Variants in RPIA observed in about 807,000 individuals in gnomAD.
The protein encoded by RPIA is ribose-5-phosphate isomerase.
Under a neutral mutation model 37.8 loss-of-function variants are expected in RPIA, and 29 were observed. The ratio of observed to expected loss-of-function variants is 0.77; its 90% CI spans 0.57 to 1.05. The LOEUF (loss-of-function observed/expected upper bound fraction) is 1.05. RPIA is among the 50% of genes least tolerant of loss of function. The probability of loss-of-function intolerance (pLI) is 0.00; values close to 1 mark genes in which losing one functional copy is unlikely to be tolerated. For synonymous variants in RPIA, 167 were observed against 157.0 expected, an observed-to-expected ratio of 1.06 and a Z score of -0.48; for missense variants, 385 against 413.6, an observed-to-expected ratio of 0.93 and a Z score of 0.60.
chr2:88,725,018 GAGAC>G (rs1673178671), intron 3 of RPIA, among the ~76,000 whole-genome samples: 3 of 151,998 alleles, frequency 2.0e-5, no homozygotes, highest in Admixed American at 6.5e-5. Flanking sequence ...CCCTAATCAT[GAGAC>G]GTTTAGAGGT....
intron 1 of RPIA, among the ~76,000 whole-genome samples, chr2:88,698,082 TTC>T (rs1034020008): frequency 5.3e-5 from 8 of 149,916 alleles, no homozygotes; most frequent in African/African-American, 2.0e-4. Flanking sequence ...CTTTCTTTCT[TTC>T]TTTTTTTTTT....
At chr2:88,701,977 TATC>T (rs1347967751) in intron 3 of RPIA, among the ~76,000 whole-genome samples, 4 of 152,228 alleles carry the variant, frequency 2.6e-5, no homozygotes, top group South Asian at 4.1e-4. Flanking sequence ...AAGAAACACT[TATC>T]ATAGAAAAGA....
rs150606347 is a variant in RPIA at position 88,735,081 on chromosome 2, G to A, written c.527+465G>A. Among the ~76,000 whole-genome samples the A allele has an allele frequency of 2.6e-5, 4 of 152,310 alleles. No individual in the cohort carries two copies. The East Asian group carries it at 7.7e-4, about 29-fold the overall frequency. ...GTGGGAATGGTGAGTTGAAAAAGGT[G>A]AAATCCTGTTCTGCTGGTTCTTATA... On this transcript the variant is annotated intron_variant, in intron 5 of 8. Transcript: ENST00000283646.
At chr2:88,741,287 A>G (rs895414434) in intron 8 of RPIA, among the ~76,000 whole-genome samples, 2 of 152,128 alleles carry the variant, frequency 1.3e-5, no homozygotes, top group Admixed American at 1.3e-4. Context: ...CTTAGCTCCC[A>G]GTTATAAGTG....
At chr2:88,700,187 A>T (rs1037828334) in intron 3 of RPIA, 123 bp downstream of exon 3, 5 of 893,990 alleles carry the variant, frequency 5.6e-6, no homozygotes, top group Non-Finnish European at 7.6e-6. Context: ...GTCCAGGAAT[A>T]GGAGAGTTTA....
At chr2:88,696,015 A>G (rs376383752) in intron 1 of RPIA, among the ~76,000 whole-genome samples, 3 of 151,954 alleles carry the variant, frequency 2.0e-5, no homozygotes, top group African/African-American at 7.3e-5. Context: ...GAGAAGGACC[A>G]TATCTAATGT....
chr2:88,750,141 T>G lies in RPIA; in HGVS notation c.*63T>G. The G allele has an allele frequency of 8.5e-7, 1 of 1,173,062 alleles. No individual in the cohort carries two copies. Among genetic ancestry groups the G allele is most frequent in the Non-Finnish European group, 1.3e-6 (1 of 788,700 alleles). The allele number at this position is 1,173,062 out of a possible 1,614,324, so 72.7% of individuals were successfully genotyped here. A position where few individuals can be genotyped will look rare whatever the true frequency, so the allele number is the denominator to read the frequency against. On this transcript the variant is annotated 3_prime_UTR_variant, in exon 9 of 9. Transcript: ENST00000283646. ...AGCCCACAGCCAAGGTGGACGTACC[T>G]CTCCAGGAGCCTTTGCCTTAATGTA...
intron 4 of RPIA, among the ~76,000 whole-genome samples, chr2:88,733,808 C>A (rs771765029): frequency 6.6e-6 from 1 of 152,212 alleles, no homozygotes; most frequent in African/African-American, 2.4e-5. Context: ...AATGTCCATG[C>A]AGAGTACCAT....
At chr2:88,720,978 A>G (rs888775607) in intron 3 of RPIA, among the ~76,000 whole-genome samples, 15 of 152,100 alleles carry the variant, frequency 9.9e-5, no homozygotes, top group Admixed American at 3.9e-4. Context: ...ATGCCCATCA[A>G]TAATAGACTG....
In RPIA at chr2:88,750,793, G is replaced by T. The variant is rs566331932; in HGVS notation, c.*715G>T. The T allele has an allele frequency of 5.0e-6, 2 of 398,428 alleles. No homozygotes were observed. The highest frequency in any genetic ancestry group is 4.1e-5 in the African/African-American group (2 of 48,700). The allele number at this position is 398,428 out of a possible 1,614,324, so 24.7% of individuals were successfully genotyped here. The stretch of plus-strand genomic sequence containing the variant: ...ACTGCTGTGAAATGTGAAGTACTTT[G>T]TTTTTTTATTTTTAATGATTTTCTT... On this transcript the variant is annotated 3_prime_UTR_variant, in exon 9 of 9. Transcript: ENST00000283646.
chr2:88,712,363 G>T (rs1446816481), intron 3 of RPIA, among the ~76,000 whole-genome samples: 1 of 152,146 alleles, frequency 6.6e-6, no homozygotes, highest in Non-Finnish European at 1.5e-5. Flanking sequence ...TAATTCATAG[G>T]CCTAGTTTCT....
Position 88,750,772 on chromosome 2 carries a change from C to G in RPIA, c.*694C>G. The stretch of plus-strand genomic sequence containing the variant: ...GCTTGCCAGTACTGCCAAAGCACTG[C>G]TGTGAAATGTGAAGTACTTTGTTTT... On this transcript the variant is annotated 3_prime_UTR_variant, in exon 9 of 9. Transcript: ENST00000283646. 2.5e-6 allele frequency: 1 copy of G among 398,714 alleles called. No homozygotes were observed. Among genetic ancestry groups the G allele is most frequent in the East Asian group, 3.6e-5 (1 of 28,080 alleles). 24.7% of individuals were successfully genotyped at this position (398,714 alleles called of 1,614,324 possible). A position where few individuals can be genotyped will look rare whatever the true frequency, so the allele number is the denominator to read the frequency against.
At chr2:88,746,115 C>CT (rs1371825187) in intron 8 of RPIA, among the ~76,000 whole-genome samples, 7 of 152,036 alleles carry the variant, frequency 4.6e-5, no homozygotes, top group African/African-American at 9.7e-5. Flanking sequence ...TAAAATGTGT[C>CT]TTTCATTTCC....
chr2:88,696,436 G>T (rs1043506229), intron 1 of RPIA, among the ~76,000 whole-genome samples: 1 of 151,868 alleles, frequency 6.6e-6, no homozygotes, highest in African/African-American at 2.4e-5. Context: ...TACTAGCTAT[G>T]TGGGAAGCTG....
At chr2:88,747,972 C>T (rs1312252728) in intron 8 of RPIA, among the ~76,000 whole-genome samples, 1 of 152,200 alleles carries the variant, frequency 6.6e-6, no homozygotes, top group African/African-American at 2.4e-5. Flanking sequence ...GGGTGCTGCA[C>T]ATTAATCCTG....
At chr2:88,697,170 T>C (rs183815134) in intron 1 of RPIA, among the ~76,000 whole-genome samples, 156 of 152,344 alleles carry the variant, frequency 1.0e-3, no homozygotes, top group Non-Finnish European at 1.9e-3. Context: ...CATACCTTCT[T>C]AGAGTCAGAC....
intron 7 of RPIA, among the ~76,000 whole-genome samples, chr2:88,737,488 G>T (rs1278354263): frequency 1.3e-5 from 2 of 152,314 alleles, no homozygotes; most frequent in East Asian, 1.9e-4. Flanking sequence ...TGGAGAAGTC[G>T]TTCAACCTTG....
chr2:88,744,628 T>G (rs1018953998), intron 8 of RPIA, among the ~76,000 whole-genome samples: 1 of 152,226 alleles, frequency 6.6e-6, no homozygotes, highest in Non-Finnish European at 1.5e-5. Flanking sequence ...TTGCCATCTA[T>G]CTCATTTCTT....
chr2:88,718,622 A>G (rs778190239), intron 3 of RPIA, among the ~76,000 whole-genome samples: 25 of 152,188 alleles, frequency 1.6e-4, no homozygotes, highest in Non-Finnish European at 3.7e-4. Context: ...AAGGGGCTCC[A>G]TAAGTCAGTT....
Sources: gnomAD v4.1 joint callset for allele counts (sites outside exome capture counted in the v4.1 genomes callset) on GRCh38, gnomAD v4.1.1 for gene constraint, MANE v1.5 for transcripts, NCBI Gene and HGNC (gene_info 2026-07-23, HGNC 2026-07-21) for gene names.